Variants in PKIA observed in about 807,000 individuals in gnomAD.
PKIA encodes cAMP-dependent protein kinase inhibitor alpha.
In PKIA, 4 loss-of-function variants were observed where a neutral mutation model predicts 7.6. The observed-to-expected ratio is 0.52, with a 90% CI of 0.26 to 1.20. PKIA has a LOEUF of 1.20. PKIA is among the 50% of genes most tolerant of loss of function. The pLI, the probability that PKIA is intolerant of heterozygous loss-of-function variation, is 0.13. For synonymous variants in PKIA, 21 were observed against 30.7 expected, an observed-to-expected ratio of 0.68 and a Z score of 1.04; for missense variants, 73 against 86.2, an observed-to-expected ratio of 0.85 and a Z score of 0.61.
chr8:78,546,998 A>C (rs1806839736), intron 1 of PKIA, among the ~76,000 whole-genome samples: 1 of 152,174 alleles, frequency 6.6e-6, no homozygotes, highest in Admixed American at 6.6e-5. Context: ...TAAGTTAAAA[A>C]CTGTTTGAGG....
At chr8:78,563,476 G>C (rs1807332388) in intron 1 of PKIA, among the ~76,000 whole-genome samples, 1 of 152,050 alleles carries the variant, frequency 6.6e-6, no homozygotes, top group South Asian at 2.1e-4. Flanking sequence ...TTAAAGGTGG[G>C]GTGGTAAAAT....
rs540773054 is a variant in PKIA at position 78,531,878 on chromosome 8, G to C, written c.-157+15410G>C. Among the ~76,000 whole-genome samples the C allele has an allele frequency of 7.2e-5, 11 of 152,188 alleles. No homozygotes were observed. The South Asian group carries it at 8.3e-4, about 11-fold the overall frequency. On this transcript the variant is annotated intron_variant, in intron 1 of 3. Transcript: ENST00000396418. ...AATTTATAATGAAGTTCAATTTAAG[G>C]ACTTGTAAAGATTTCAATAGAATAG...
At chr8:78,549,644 T>C (rs1429373122) in intron 1 of PKIA, among the ~76,000 whole-genome samples, 2 of 151,654 alleles carry the variant, frequency 1.3e-5, no homozygotes, top group South Asian at 2.1e-4. Flanking sequence ...CAGCAGAGTC[T>C]TTATTAATTT....
chr8:78,543,004 T>C (rs1806734570), intron 1 of PKIA, among the ~76,000 whole-genome samples: 1 of 152,134 alleles, frequency 6.6e-6, no homozygotes. Flanking sequence ...AGCATGAAGA[T>C]GTGCCATAGA....
chr8:78,582,856 T>C (rs1366051399), intron 2 of PKIA, among the ~76,000 whole-genome samples: 3 of 152,128 alleles, frequency 2.0e-5, no homozygotes, highest in African/African-American at 7.2e-5. Flanking sequence ...GACAATTATA[T>C]ATCCAAACAG....
At chr8:78,524,674 A>G (rs998352101) in intron 1 of PKIA, among the ~76,000 whole-genome samples, 4 of 151,936 alleles carry the variant, frequency 2.6e-5, no homozygotes, top group Non-Finnish European at 4.4e-5. Context: ...CATCTTCTCC[A>G]TATTAGAGAA....
At chr8:78,523,420 T>C (rs1809454428) in intron 1 of PKIA, among the ~76,000 whole-genome samples, 1 of 151,934 alleles carries the variant, frequency 6.6e-6, no homozygotes, top group Non-Finnish European at 1.5e-5. Flanking sequence ...AGCAACACCA[T>C]GGCCATACCT....
chr8:78,560,889 T>G (rs1437187582), intron 1 of PKIA, among the ~76,000 whole-genome samples: 1 of 152,190 alleles, frequency 6.6e-6, no homozygotes, highest in Non-Finnish European at 1.5e-5. Context: ...TCAGGAAGAT[T>G]AAGAATGTTA....
intron 1 of PKIA, among the ~76,000 whole-genome samples, chr8:78,524,878 CAGG>C (rs910045439): frequency 1.1e-4 from 16 of 151,994 alleles, no homozygotes; most frequent in African/African-American, 3.9e-4. Flanking sequence ...GGCTTTAATA[CAGG>C]AGATTACAAA....
intron 2 of PKIA, among the ~76,000 whole-genome samples, chr8:78,593,409 C>G (rs1360618198): frequency 6.6e-6 from 1 of 152,124 alleles, no homozygotes; most frequent in East Asian, 1.9e-4. Context: ...GCATGAGCCA[C>G]CATGCCTGGC....
chr8:78,524,004 A>ATT lies in PKIA; in HGVS notation c.-157+7537_-157+7538insTT, dbSNP rs1323566556. Among the ~76,000 whole-genome samples the ATT allele has an allele frequency of 2.0e-4, 26 of 127,870 alleles. 1 individual carries two copies. Among genetic ancestry groups the ATT allele is most frequent in the East Asian group, 8.2e-4 (4 of 4,862 alleles). The allele number at this position is 127,870 out of a possible 152,430, so 83.9% of individuals were successfully genotyped here. A position where few individuals can be genotyped will look rare whatever the true frequency, so the allele number is the denominator to read the frequency against. On this transcript the variant is annotated intron_variant, in intron 1 of 3. Transcript: ENST00000396418. ...TTTATAAATATATATAAACATTTAT[A>ATT]TATAAATATATATAAACGTTTATAT... is the stretch of plus-strand genomic sequence containing the variant.
rs185251991 is a variant in PKIA, at chr8:78,540,077, G to T, written c.-157+23609G>T. 5.7e-3 allele frequency among the ~76,000 whole-genome samples: 834 copies of T among 145,212 alleles called. 8 individuals carry two copies. Among genetic ancestry groups the T allele is most frequent in the African/African-American group, 0.02 (783 of 38,206 alleles). Reference sequence around the variant, plus strand: ...ACAATTACAACATCAGAGAAGAAATGAAGTAAAAAAAAAAAAAAGTGAATC... The same window carrying T: ...ACAATTACAACATCAGAGAAGAAATTAAGTAAAAAAAAAAAAAAGTGAATC... On this transcript the variant is annotated intron_variant, in intron 1 of 3. Transcript: ENST00000396418.
At chr8:78,563,982 T>G (rs1807344234) in intron 1 of PKIA, among the ~76,000 whole-genome samples, 1 of 152,074 alleles carries the variant, frequency 6.6e-6, no homozygotes, top group Admixed American at 6.6e-5. Context: ...ACAGTGTGAA[T>G]GGCCTTTCAC....
At chr8:78,540,110 T>C (rs1585879245) in intron 1 of PKIA, among the ~76,000 whole-genome samples, 1 of 149,068 alleles carries the variant, frequency 6.7e-6, no homozygotes, top group East Asian at 1.9e-4. Flanking sequence ...ATCAGAAGCC[T>C]GATTGTAGGA....
intron 1 of PKIA, among the ~76,000 whole-genome samples, chr8:78,562,412 T>C (rs1206873053): frequency 6.6e-6 from 1 of 152,198 alleles, no homozygotes; most frequent in Non-Finnish European, 1.5e-5. Flanking sequence ...GATACATTTG[T>C]CCTGCTTAAA....
chr8:78,597,225 G>A (rs757814265), intron 2 of PKIA, among the ~76,000 whole-genome samples: 2 of 152,018 alleles, frequency 1.3e-5, no homozygotes, highest in Admixed American at 6.6e-5. Context: ...GGAAAATATC[G>A]TTGGTAGTTT....
At chr8:78,567,017 C>G (rs1585905429) in intron 1 of PKIA, among the ~76,000 whole-genome samples, 1 of 152,014 alleles carries the variant, frequency 6.6e-6, no homozygotes. Context: ...AAAGCAAACT[C>G]AAATATTTAT....
intron 1 of PKIA, among the ~76,000 whole-genome samples, chr8:78,552,063 G>T (rs542903611): frequency 1.6e-4 from 25 of 151,978 alleles, no homozygotes; most frequent in Non-Finnish European, 3.2e-4. Context: ...TTCCTGAATT[G>T]AAGGGAGATG....
intron 2 of PKIA, among the ~76,000 whole-genome samples, chr8:78,591,031 C>T (rs1808080467): frequency 6.6e-6 from 1 of 152,174 alleles, no homozygotes; most frequent in Non-Finnish European, 1.5e-5. Context: ...TTCTTTCTTA[C>T]TTAAAAGGAA....
Sources: gnomAD v4.1 joint callset for allele counts (sites outside exome capture counted in the v4.1 genomes callset) on GRCh38, gnomAD v4.1.1 for gene constraint, MANE v1.5 for transcripts, NCBI Gene and HGNC (gene_info 2026-07-23, HGNC 2026-07-21) for gene names.